Variants in KCNH7 observed in about 807,000 individuals in gnomAD.
KCNH7 encodes the protein potassium voltage-gated channel subfamily H member 7, also known as voltage-gated inwardly rectifying potassium channel KCNH7.
A neutral mutation model predicts 120.8 loss-of-function variants in KCNH7; 49 were observed. That is an observed-to-expected ratio of 0.41 (90% CI 0.32 to 0.51). The LOEUF (loss-of-function observed/expected upper bound fraction) is 0.51. KCNH7 is among the 20% of genes least tolerant of loss of function. KCNH7 has a pLI of 0.38. For synonymous variants in KCNH7, 547 were observed against 516.1 expected (o/e 1.06, Z -0.81); for missense variants, 1,097 against 1,446.6 (o/e 0.76, Z 3.92).
At chr2:162,566,987 A>C (rs2105890815) in intron 2 of KCNH7, among the ~76,000 whole-genome samples, 1 of 152,130 alleles carries the variant, frequency 6.6e-6, no homozygotes, top group South Asian at 2.1e-4. Context: ...ACAACAGTGC[A>C]ATTTTTCACT....
intron 2 of KCNH7, among the ~76,000 whole-genome samples, chr2:162,586,769 T>C (rs1314531122): frequency 6.6e-6 from 1 of 151,112 alleles, no homozygotes; most frequent in Non-Finnish European, 1.5e-5. Flanking sequence ...TAGTGCAAAA[T>C]ATATGAATTT....
intron 2 of KCNH7, among the ~76,000 whole-genome samples, chr2:162,821,056 A>G (rs16847366): frequency 0.47 from 71,861 of 152,018 alleles, 18,980 homozygotes; most frequent in South Asian, 0.67. Flanking sequence ...GGCTAATTTT[A>G]TCACTGGATT....
intron 2 of KCNH7, among the ~76,000 whole-genome samples, chr2:162,670,757 A>G (rs981206091): frequency 6.6e-6 from 1 of 151,952 alleles, no homozygotes; most frequent in Admixed American, 6.6e-5. Context: ...TTTAAAAAAC[A>G]CAAGAAAGGT....
At chr2:162,836,462 C>A in intron 2 of KCNH7, 75 bp downstream of exon 2, 1 of 1,159,478 alleles carries the variant, frequency 8.6e-7, no homozygotes, top group Non-Finnish European at 1.3e-6. Flanking sequence ...GGCTTCTTTG[C>A]ATATGAACTT....
At chr2:162,785,609 T>C (rs1210064399) in intron 2 of KCNH7, among the ~76,000 whole-genome samples, 5 of 152,200 alleles carry the variant, frequency 3.3e-5, no homozygotes, top group Admixed American at 6.5e-5. Context: ...AATGAGTGAA[T>C]TAAAAAGGAA....
chr2:162,700,328 C>T (rs143657411), intron 2 of KCNH7, among the ~76,000 whole-genome samples: 9 of 152,300 alleles, frequency 5.9e-5, no homozygotes, highest in African/African-American at 1.9e-4. Flanking sequence ...TGTGGAACCA[C>T]GAGATGCTAT....
intron 2 of KCNH7, among the ~76,000 whole-genome samples, chr2:162,598,609 T>C (rs1408321659): frequency 6.6e-6 from 1 of 152,152 alleles, no homozygotes; most frequent in Non-Finnish European, 1.5e-5. Context: ...AAAATGTTAC[T>C]GCACACTGCT....
intron 2 of KCNH7, among the ~76,000 whole-genome samples, chr2:162,620,858 G>A (rs1174605134): frequency 6.6e-6 from 1 of 152,004 alleles, no homozygotes; most frequent in Non-Finnish European, 1.5e-5. Context: ...AATAATGCAG[G>A]AAATCTCTAA....
intron 9 of KCNH7, among the ~76,000 whole-genome samples, chr2:162,407,827 T>C (rs1687272519): frequency 1.3e-5 from 2 of 152,048 alleles, no homozygotes; most frequent in Admixed American, 6.6e-5. Context: ...AGCTTGCCTA[T>C]AAAATAAGGA....
intron 4 of KCNH7, among the ~76,000 whole-genome samples, chr2:162,513,964 C>G (rs1268737651): frequency 6.6e-6 from 1 of 151,690 alleles, no homozygotes; most frequent in Non-Finnish European, 1.5e-5. Flanking sequence ...ATGTTGCATA[C>G]TTGCCACTAA....
intron 2 of KCNH7, among the ~76,000 whole-genome samples, chr2:162,789,817 C>T (rs1292726310): frequency 6.6e-6 from 1 of 151,776 alleles, no homozygotes; most frequent in Non-Finnish European, 1.5e-5. Flanking sequence ...TGAAACACAA[C>T]ATATCAAATC....
rs1318935480 is a variant in KCNH7, at chr2:162,528,025, A to T, written c.463+8900T>A. ...TCTGGTGTAGGGCCCAAGAACTTGC[A>T]CTTCAAACACATTGCAAGGTGATGC... On this transcript the variant is annotated intron_variant, in intron 3 of 15. Transcript: ENST00000332142. 3 of 151,976 alleles carry T rather than the reference A, an allele frequency of 2.0e-5. No homozygotes were observed. In the East Asian group the frequency reaches 5.8e-4, roughly 30 times the overall value. The allele number at this position is 151,976 out of a possible 1,614,324, so 9.4% of individuals were successfully genotyped here. A position where few individuals can be genotyped will look rare whatever the true frequency, so the allele number is the denominator to read the frequency against.
At chr2:162,704,723 G>T (rs1306638742) in intron 2 of KCNH7, among the ~76,000 whole-genome samples, 2 of 152,168 alleles carry the variant, frequency 1.3e-5, no homozygotes, top group Non-Finnish European at 2.9e-5. Context: ...CTGATTGTTA[G>T]CCATCTGTCT....
chr2:162,377,021 T>G (rs1686219122), intron 14 of KCNH7, among the ~76,000 whole-genome samples: 2 of 152,174 alleles, frequency 1.3e-5, no homozygotes, highest in South Asian at 4.1e-4. Context: ...TGTATTTGAA[T>G]GAGACAAATG....
intron 2 of KCNH7, among the ~76,000 whole-genome samples, chr2:162,593,249 G>T (rs913444080): frequency 1.1e-4 from 16 of 152,068 alleles, no homozygotes; most frequent in Admixed American, 9.2e-4. Context: ...AGTAGTGGAA[G>T]TTATGTTTAA....
intron 10 of KCNH7, among the ~76,000 whole-genome samples, chr2:162,398,057 T>A (rs1485477539): frequency 6.6e-6 from 1 of 151,842 alleles, no homozygotes; most frequent in Admixed American, 6.6e-5. Context: ...ACTATCAAAG[T>A]ACTTAAAAAC....
At chr2:162,432,869 C>A (rs1308673768) in intron 8 of KCNH7, among the ~76,000 whole-genome samples, 1 of 151,962 alleles carries the variant, frequency 6.6e-6, no homozygotes, top group Non-Finnish European at 1.5e-5. Context: ...GTCAAATTAT[C>A]CCTCTTTGCT....
intron 10 of KCNH7, among the ~76,000 whole-genome samples, chr2:162,398,951 G>A (rs1553471284): frequency 1.3e-5 from 2 of 151,870 alleles, no homozygotes; most frequent in Non-Finnish European, 2.9e-5. Context: ...AAATATATAA[G>A]AAAATCATGT....
chr2:162,564,608 C>T (rs1693188423), intron 2 of KCNH7, among the ~76,000 whole-genome samples: 2 of 152,150 alleles, frequency 1.3e-5, no homozygotes, highest in South Asian at 2.1e-4. Context: ...GGTTATTTTC[C>T]CTTATTATTT....
Sources: gnomAD v4.1 joint callset for allele counts (sites outside exome capture counted in the v4.1 genomes callset) on GRCh38, gnomAD v4.1.1 for gene constraint, MANE v1.5 for transcripts, NCBI Gene and HGNC (gene_info 2026-07-23, HGNC 2026-07-21) for gene names.